The following RTEL1 variants were observed in gnomAD, a reference collection of about 807,000 sequenced individuals.
RTEL1 encodes regulator of telomere elongation helicase 1, also known as regulator of telomere length.
RTEL1 carries 86 observed loss-of-function variants against 162.2 expected under a neutral mutation model. The ratio of observed to expected loss-of-function variants is 0.53; its 90% confidence interval spans 0.45 to 0.63. The LOEUF is 0.63. Among genes scored for constraint, RTEL1 ranks in the 30% least tolerant of loss-of-function variants. The pLI is 0.00. For synonymous variants in RTEL1, 958 were observed against 717.9 expected, an observed-to-expected ratio of 1.33 and a Z score of -5.35; for missense variants, 1,941 against 1,750.2, an observed-to-expected ratio of 1.11 and a Z score of -1.95.
intron 9 of RTEL1, 142 bp from the exon 10 acceptor site, chr20:63,673,798 G>A: frequency 1.2e-6 from 1 of 846,146 alleles, no homozygotes; most frequent in Non-Finnish European, 1.9e-6. Flanking sequence ...ACCTACTTGT[G>A]GCCTTTTACA....
chr20:63,674,079 A>G lies in RTEL1; in HGVS notation c.905A>G (p.Asp302Gly), dbSNP rs776979963. The G allele has an allele frequency of 8.7e-6, 14 of 1,604,930 alleles. No individual in the cohort carries two copies. The highest frequency in any genetic ancestry group is 1.7e-4 in the Middle Eastern group (1 of 5,858). The change falls in exon 10 of 35, where the codon GAC (aspartate) becomes GGC (glycine). Residue 302 changes from aspartate to glycine, a missense_variant. Physicochemically the swap from Asp to Gly is moderately conservative, Grantham distance 94. Transcript: ENST00000360203. ...GAGCCCCACCCGGAGTTCAGCGCGG[A>G]CTCCCCCAGCCCAGGTGCGTTCATA... Reference protein sequence around the residue: ...QGEPHPEFSADSPSPGLNMEL... With the variant: ...QGEPHPEFSAGSPSPGLNMEL...
intron 6 of RTEL1, among the ~76,000 whole-genome samples, chr20:63,663,751 G>A (rs1207319244): frequency 6.6e-6 from 1 of 152,150 alleles, no homozygotes; most frequent in Non-Finnish European, 1.5e-5. Flanking sequence ...AGGTGGCCCC[G>A]GAGCACTCAG....
chr20:63,669,018 C>G (rs1249386745), intron 8 of RTEL1, among the ~76,000 whole-genome samples: 1 of 152,088 alleles, frequency 6.6e-6, no homozygotes, highest in African/African-American at 2.4e-5. Flanking sequence ...GAATCTCACT[C>G]TGTCACCCAG....
chr20:63,675,201 G>A (rs753498548), intron 10 of RTEL1, among the ~76,000 whole-genome samples: 3 of 152,174 alleles, frequency 2.0e-5, no homozygotes, highest in Admixed American at 6.5e-5. Context: ...CGCCACGCCC[G>A]GCCTTTGTCC....
intron 30 of RTEL1, 45 bp from the exon 31 acceptor site, chr20:63,694,327 C>G (rs916840036): frequency 2.1e-5 from 13 of 624,606 alleles, no homozygotes; most frequent in Non-Finnish European, 3.2e-5. Context: ...AGGGAACTTT[C>G]CAGATGCTCT....
At chr20:63,681,344 C>G in intron 14 of RTEL1, 1 of 985,378 alleles carries the variant, frequency 1.0e-6, no homozygotes, top group Non-Finnish European at 1.2e-6. Context: ...GGCACGTTGC[C>G]TCTCCGGGGC....
At position 63,661,546 on chromosome 20, in the gene RTEL1, A is replaced by C. The variant is rs1260454480; in HGVS notation, c.301+50A>C. On this transcript the variant is annotated intron_variant, in intron 3 of 34. Coordinates refer to ENST00000360203, the MANE Select transcript of RTEL1 (RefSeq NM_001283009.2). The surrounding 1 kb of genome is among the most constrained non-coding windows in gnomAD (Gnocchi z 5.1). Reference sequence around the variant, plus strand: ...CTGGCCTCCTGTGGGGATGGTTGGCAAGGGATGGCGCTGAGGGTGGGGTGG... The same window carrying C: ...CTGGCCTCCTGTGGGGATGGTTGGCCAGGGATGGCGCTGAGGGTGGGGTGG... The C allele has an allele frequency of 6.4e-7, 1 of 1,564,798 alleles. No individual in the cohort carries two copies. The highest frequency in any genetic ancestry group is 8.6e-7 in the Non-Finnish European group (1 of 1,156,322).
At chr20:63,694,245 G>C (rs1296745307) in intron 30 of RTEL1, 127 bp from the exon 31 acceptor site, 2 of 783,850 alleles carry the variant, frequency 2.6e-6, no homozygotes, top group African/African-American at 1.7e-5. Flanking sequence ...GCGTGTACCT[G>C]CCTGGGTTTT....
Position 63,690,865 on chromosome 20 carries a change from T to C in RTEL1, c.2474T>C (p.Val825Ala), listed in dbSNP as rs778102066. 66 of 1,601,826 alleles carry C rather than the reference T, an allele frequency of 4.1e-5. 1 individual carries two copies. The South Asian group carries it at 7.3e-4, about 18-fold the overall frequency. ...TGTGTGGAGTATGAGCAGGAGCCAG[T>C]TCCTGCCCGGCAGAGGCCCAGGGGG... Reference protein sequence around the residue: ...SLCVEYEQEPVPARQRPRGLL... With the variant: ...SLCVEYEQEPAPARQRPRGLL... Residue 825 changes from valine to alanine, a missense_variant, in exon 27 of 35, where the codon GTT becomes GCT. Val to Ala is a moderately conservative substitution (Grantham distance 64). Transcript: ENST00000360203.
rs116415570 is a variant in RTEL1 at position 63,692,531 on chromosome 20, C to T, written c.2653-274C>T. The T allele has an allele frequency of 1.0e-3, 533 of 534,294 alleles. 5 individuals carry two copies. Among genetic ancestry groups the T allele is most frequent in the African/African-American group, 9.3e-3 (489 of 52,780 alleles). 33.1% of individuals were successfully genotyped at this position (534,294 alleles called of 1,614,324 possible). ...GAGAGAGACGGGCCATGCAGGACCC[C>T]TGGCTTGAGGCAGAGCCAATCTACC... On this transcript the variant is annotated intron_variant, in intron 28 of 34. Transcript: ENST00000360203.
At chr20:63,662,658 T>C (rs1218836451) in intron 5 of RTEL1, 31 bp downstream of exon 5, 3 of 1,612,964 alleles carry the variant, frequency 1.9e-6, no homozygotes, top group Admixed American at 1.7e-5. Flanking sequence ...TCCGGCTCAG[T>C]GTCCGACAGG....
chr20:63,678,416 C>G (rs1445023702), intron 12 of RTEL1, 70 bp downstream of exon 12: 2 of 1,425,506 alleles, frequency 1.4e-6, no homozygotes, highest in Non-Finnish European at 1.9e-6. Context: ...ATGGTGCAGT[C>G]CTGGGCTGTC....
At chr20:63,662,323 C>G (rs544692044) in intron 4 of RTEL1, 6 of 822,508 alleles carry the variant, frequency 7.3e-6, no homozygotes, top group Admixed American at 4.1e-5. Flanking sequence ...TTCCTGTGGC[C>G]GGACCAGTGG....
upstream of RTEL1, chr20:63,658,045 G>C (rs1157130906): frequency 6.6e-6 from 1 of 152,386 alleles, no homozygotes; most frequent in Non-Finnish European, 1.5e-5. Context: ...GGCCCGTGCA[G>C]CTCTCCGGGC....
At position 63,693,909 on chromosome 20, in the gene RTEL1, G is replaced by A. The variant is rs573628656; in HGVS notation, c.2993-463G>A. On this transcript the variant is annotated intron_variant, in intron 30 of 34. Coordinates refer to ENST00000360203, the MANE Select transcript of RTEL1 (RefSeq NM_001283009.2). ...CATGCATGGTCCTGGGGGGTCAACT[G>A]CACACGCCAGGGTCCTAGGGTCCTA... is the stretch of plus-strand genomic sequence containing the variant. Among the ~76,000 whole-genome samples the A allele has an allele frequency of 6.6e-5, 10 of 150,744 alleles. No individual in the cohort carries two copies. In the East Asian group the frequency reaches 1.8e-3, roughly 28 times the overall value.
At chr20:63,672,365 G>T (rs575275073) in intron 8 of RTEL1, among the ~76,000 whole-genome samples, 191 bp from the exon 9 acceptor site, 76 of 152,290 alleles carry the variant, frequency 5.0e-4, no homozygotes, top group Admixed American at 8.5e-4. Context: ...AGCGTCTCCC[G>T]GTATGGCGAA....
intron 25 of RTEL1, 24 bp downstream of exon 25, chr20:63,690,234 A>G: frequency 6.2e-7 from 1 of 1,609,944 alleles, no homozygotes; most frequent in Non-Finnish European, 8.5e-7. Context: ...CAGGGAGGGG[A>G]TGAGGGTGTT....
chr20:63,693,465 ACCTCCACCTCCACCTCCACCACCACCTC>A (rs2090836838), intron 30 of RTEL1, among the ~76,000 whole-genome samples, 182 bp downstream of exon 30: 1 of 24,708 alleles, frequency 4.0e-5, no homozygotes. Flanking sequence ...CTCCACCTCC[ACCTCCACCTCCACCTCCACCACCACCTC>A]CACCTCCACC....
intron 27 of RTEL1, among the ~76,000 whole-genome samples, chr20:63,691,240 G>T (rs1024945833): frequency 1.3e-5 from 2 of 152,172 alleles, no homozygotes; most frequent in Admixed American, 1.3e-4. Context: ...ACTCAAGGTC[G>T]GGTGCCCCTG....
Sources: gnomAD v4.1 joint callset for allele counts (sites outside exome capture counted in the v4.1 genomes callset) on GRCh38, gnomAD v4.1.1 for gene constraint, Gnocchi (gnomAD v3.1) non-coding constraint, MANE v1.5 for transcripts, NCBI Gene and HGNC (gene_info 2026-07-23, HGNC 2026-07-21) for gene names.